STK10: variants seen among roughly 807,000 people sequenced by gnomAD.
STK10 encodes serine/threonine-protein kinase 10.
In STK10, 78 loss-of-function variants were observed where a neutral mutation model predicts 113.8. The observed-to-expected ratio is 0.69, with a 90% CI of 0.57 to 0.83. The LOEUF (loss-of-function observed/expected upper bound fraction) is 0.83. STK10 is among the 40% of genes least tolerant of loss of function. The pLI is 0.00. For synonymous variants in STK10, 465 were observed against 494.7 expected (o/e 0.94, Z 0.80); for missense variants, 1,109 against 1,280.1 (o/e 0.87, Z 2.04).
intron 3 of STK10, among the ~76,000 whole-genome samples, chr5:172,124,558 T>A (rs1769580859): frequency 6.6e-6 from 1 of 152,202 alleles, no homozygotes; most frequent in African/African-American, 2.4e-5. Flanking sequence ...GGGCAGTAAG[T>A]GGCTCTGTAA....
intron 2 of STK10, among the ~76,000 whole-genome samples, chr5:172,139,193 T>C (rs1245418218): frequency 6.6e-6 from 1 of 152,124 alleles, no homozygotes; most frequent in Admixed American, 6.6e-5. Flanking sequence ...AAATCTATCC[T>C]AAAATATTAT....
At chr5:172,107,925 G>T in intron 4 of STK10, 73 bp from the exon 5 acceptor site, 1 of 1,310,022 alleles carries the variant, frequency 7.6e-7, no homozygotes, top group Non-Finnish European at 1.1e-6. Flanking sequence ...TGGACTCAGG[G>T]GTACACATTC....
At chr5:172,117,402 C>CG in intron 4 of STK10, 79 bp downstream of exon 4, 1 of 1,566,086 alleles carries the variant, frequency 6.4e-7, no homozygotes, top group Non-Finnish European at 8.6e-7. Context: ...GTCCACACTC[C>CG]CACTGGCCTG....
chr5:172,122,587 C>T (rs1390982491), intron 3 of STK10, among the ~76,000 whole-genome samples: 14 of 152,192 alleles, frequency 9.2e-5, no homozygotes, highest in Admixed American at 6.5e-4. Context: ...CTCATCCTTT[C>T]CACGATAAGA....
intron 1 of STK10, among the ~76,000 whole-genome samples, chr5:172,169,093 C>T (rs1261525837): frequency 3.3e-5 from 5 of 152,256 alleles, no homozygotes; most frequent in Middle Eastern, 3.4e-3. Flanking sequence ...TCCCTACCTG[C>T]GTTTAATCAG....
At position 172,106,401 on chromosome 5, in the gene STK10, C is replaced by CAGAAAAAAAAA. The variant is rs1475870342; in HGVS notation, c.788+218_788+219insTTTTTTTTTCT. 7.5e-3 allele frequency among the ~76,000 whole-genome samples: 398 copies of CAGAAAAAAAAA among 53,416 alleles called. 18 individuals are homozygous for CAGAAAAAAAAA. Among genetic ancestry groups the CAGAAAAAAAAA allele is most frequent in the African/African-American group, 0.021 (391 of 18,236 alleles). 35.0% of individuals were successfully genotyped at this position (53,416 alleles called of 152,430 possible). A position where few individuals can be genotyped will look rare whatever the true frequency, so the allele number is the denominator to read the frequency against. On this transcript the variant is annotated intron_variant, in intron 6 of 18. Coordinates refer to ENST00000176763, the MANE Select transcript of STK10 (RefSeq NM_005990.4). ...TGGGCAAAAGAGTGAGACCCTATCT[C>CAGAAAAAAAAA]AAAAAAAAAAAAAAAAAGGAACACA...
intron 7 of STK10, among the ~76,000 whole-genome samples, chr5:172,097,371 C>T (rs974371548): frequency 3.3e-5 from 5 of 152,164 alleles, no homozygotes; most frequent in African/African-American, 1.2e-4. Flanking sequence ...ATGCACGCAC[C>T]GTAACTGCCA....
At chr5:172,066,553 G>A (rs1258676515) in intron 12 of STK10, among the ~76,000 whole-genome samples, 3 of 152,200 alleles carry the variant, frequency 2.0e-5, no homozygotes, top group East Asian at 1.9e-4. Context: ...TTGGGAGGCC[G>A]AGAAAGGTGG....
intron 1 of STK10, among the ~76,000 whole-genome samples, chr5:172,180,412 C>T (rs1380578286): frequency 6.6e-6 from 1 of 152,150 alleles, no homozygotes; most frequent in Non-Finnish European, 1.5e-5. Flanking sequence ...TTGCAGTAAG[C>T]CGAGTTCGTG....
At chr5:172,148,142 C>G (rs1770123258) in intron 2 of STK10, among the ~76,000 whole-genome samples, 1 of 152,164 alleles carries the variant, frequency 6.6e-6, no homozygotes, top group African/African-American at 2.4e-5. Flanking sequence ...CCTGGACACA[C>G]TGTGGTGATC....
Position 172,096,520 on chromosome 5 carries a change from C to T in STK10, c.911G>A (p.Arg304Gln), listed in dbSNP as rs778931665. The T allele has an allele frequency of 5.6e-6, 9 of 1,613,782 alleles. No homozygotes were observed. Among genetic ancestry groups the T allele is most frequent in the Admixed American group, 1.7e-5 (1 of 60,026 alleles). ...GGCCTTGGCCTCAGCCACCAGCTCC[C>T]GCAGAGCCTTGTTACTGGTGATGCT... ...VSSITSNKAL[R>Q]ELVAEAKAEV... Residue 304 changes from arginine (R) to glutamine (Q), a missense_variant, in exon 8 of 19, where the codon CGG becomes CAG. Transcript: ENST00000176763.
intron 12 of STK10, among the ~76,000 whole-genome samples, chr5:172,066,223 T>C (rs1309075661): frequency 6.6e-6 from 1 of 152,126 alleles, no homozygotes; most frequent in East Asian, 1.9e-4. Flanking sequence ...GCATCAAATA[T>C]GAAAGCAGCT....
intron 7 of STK10, among the ~76,000 whole-genome samples, chr5:172,097,761 A>G (rs1768891686): frequency 6.6e-6 from 1 of 152,140 alleles, no homozygotes; most frequent in South Asian, 2.1e-4. Flanking sequence ...GTTTGGTTTT[A>G]AGAAAGGAAA....
At chr5:172,094,261 G>A (rs954912631) in intron 8 of STK10, among the ~76,000 whole-genome samples, 1 of 152,222 alleles carries the variant, frequency 6.6e-6, no homozygotes, top group Admixed American at 6.5e-5. Context: ...CCACAGGGAG[G>A]GGTCAGTGGC....
intron 18 of STK10, 55 bp downstream of exon 18, chr5:172,052,874 G>A: frequency 1.9e-6 from 3 of 1,570,446 alleles, no homozygotes; most frequent in Non-Finnish European, 2.6e-6. Flanking sequence ...CCAGAGGCCT[G>A]TGCATGGCAC....
chr5:172,136,040 A>G (rs189971475), intron 2 of STK10, among the ~76,000 whole-genome samples: 34 of 152,204 alleles, frequency 2.2e-4, no homozygotes, highest in African/African-American at 7.5e-4. Flanking sequence ...ATAAATAAAT[A>G]AACAAACAAA....
At position 172,081,266 on chromosome 5, in the gene STK10, G is replaced by A. The variant is rs928501570; in HGVS notation, c.1989+1060C>T. On this transcript the variant is annotated intron_variant, in intron 12 of 18. Coordinates refer to ENST00000176763, the MANE Select transcript of STK10 (RefSeq NM_005990.4). The stretch of plus-strand genomic sequence containing the variant: ...CTCGGGAGGCTGAGGCAGAAGAATC[G>A]CTTGAACTCGGGAGGCAGAGGTTGC... Among the ~76,000 whole-genome samples, 8 of 150,446 alleles carry A rather than the reference G, an allele frequency of 5.3e-5. No individual in the cohort carries two copies. In the East Asian group the frequency reaches 1.2e-3, roughly 22 times the overall value.
At chr5:172,119,334 G>A (rs1769453486) in intron 3 of STK10, among the ~76,000 whole-genome samples, 1 of 152,192 alleles carries the variant, frequency 6.6e-6, no homozygotes, top group Admixed American at 6.5e-5. Context: ...GGGCCATGCT[G>A]TGGAGGCTGC....
chr5:172,145,075 A>T (rs1185910868), intron 2 of STK10, among the ~76,000 whole-genome samples: 2 of 152,140 alleles, frequency 1.3e-5, no homozygotes, highest in Non-Finnish European at 2.9e-5. Context: ...CAGGGCTAAG[A>T]TCAGACTCTG....
Sources: allele counts gnomAD v4.1 joint callset (sites outside exome capture counted in the v4.1 genomes callset), GRCh38; gene constraint gnomAD v4.1.1; transcripts MANE v1.5; gene names NCBI Gene and HGNC (gene_info 2026-07-23, HGNC 2026-07-21).